The following SEMA5B variants were observed in gnomAD, a reference collection of about 807,000 sequenced individuals.
SEMA5B encodes the protein semaphorin 5B, also known as semaphorin-5B.
SEMA5B carries 66 observed loss-of-function variants against 135.0 expected under a neutral mutation model. The ratio of observed to expected loss-of-function variants is 0.49; its 90% confidence interval spans 0.40 to 0.60. The LOEUF (loss-of-function observed/expected upper bound fraction) is 0.60. Among genes scored for constraint, SEMA5B ranks in the 20% least tolerant of loss-of-function variants. SEMA5B has a pLI of 0.00. For synonymous variants in SEMA5B, 690 were observed against 639.5 expected, an observed-to-expected ratio of 1.08 and a Z score of -1.19; for missense variants, 1,501 against 1,566.3, an observed-to-expected ratio of 0.96 and a Z score of 0.70.
intron 4 of SEMA5B, among the ~76,000 whole-genome samples, chr3:122,940,398 A>G (rs919660187): frequency 2.0e-5 from 3 of 152,160 alleles, no homozygotes; most frequent in African/African-American, 4.8e-5. Flanking sequence ...ATTTCACAGG[A>G]CTGTGGAGAC....
chr3:123,000,175 T>A (rs1205093720), intron 1 of SEMA5B, among the ~76,000 whole-genome samples: 2 of 152,178 alleles, frequency 1.3e-5, no homozygotes, highest in Non-Finnish European at 2.9e-5. Context: ...GTCACTGCAC[T>A]CTATCCTGGG....
At chr3:122,913,719 A>AC (rs762988618) in intron 15 of SEMA5B, 38 bp from the exon 16 acceptor site, 1 of 1,604,338 alleles carries the variant, frequency 6.2e-7, no homozygotes, top group African/African-American at 1.3e-5. Context: ...AGGGAGGGGG[A>AC]CCCCCTTCCC....
At chr3:123,001,669 T>C (rs1942178176) in intron 1 of SEMA5B, among the ~76,000 whole-genome samples, 1 of 152,198 alleles carries the variant, frequency 6.6e-6, no homozygotes, top group Non-Finnish European at 1.5e-5. Flanking sequence ...TGAGCTAAGT[T>C]CATACCCATT....
intron 1 of SEMA5B, among the ~76,000 whole-genome samples, chr3:122,988,031 T>G (rs1043744551): frequency 2.6e-5 from 4 of 152,070 alleles, no homozygotes; most frequent in African/African-American, 9.7e-5. Flanking sequence ...AGTAGTGGTC[T>G]TCAAACCTGA....
chr3:122,928,682 A>C lies in SEMA5B; in HGVS notation c.538-67T>G, dbSNP rs937976289. ...GTGCGATGCTGGATATCTCACGCTCACACCACTGCGTCATGGATGCCAACA... is the reference window on the plus strand; with the variant it reads ...GTGCGATGCTGGATATCTCACGCTCCCACCACTGCGTCATGGATGCCAACA... On this transcript the variant is annotated intron_variant, in intron 6 of 22. Coordinates refer to ENST00000357599, the MANE Select transcript of SEMA5B (RefSeq NM_001031702.4). 17 of 1,161,914 alleles carry C rather than the reference A, an allele frequency of 1.5e-5. No individual in the cohort carries two copies. In the South Asian group the frequency reaches 2.1e-4, roughly 14 times the overall value. The allele number at this position is 1,161,914 out of a possible 1,614,324, so 72.0% of individuals were successfully genotyped here.
intron 1 of SEMA5B, among the ~76,000 whole-genome samples, chr3:123,026,374 C>G (rs1358280194): frequency 1.3e-5 from 2 of 152,014 alleles, no homozygotes; most frequent in African/African-American, 4.8e-5. Context: ...TCCTCTCTCC[C>G]CATCCAGACT....
At chr3:122,918,490 C>T (rs1938187552) in intron 12 of SEMA5B, among the ~76,000 whole-genome samples, 1 of 152,362 alleles carries the variant, frequency 6.6e-6, no homozygotes, top group South Asian at 2.1e-4. Context: ...TTGAGAACTG[C>T]TGTGCCAGGG....
At chr3:122,929,459 C>T (rs1341318005) in intron 5 of SEMA5B, among the ~76,000 whole-genome samples, 3 of 152,222 alleles carry the variant, frequency 2.0e-5, no homozygotes, top group Non-Finnish European at 4.4e-5. Context: ...TGGCCCTCAA[C>T]TCAGCGGCAG....
At chr3:123,015,980 G>T (rs1379144714) in intron 1 of SEMA5B, among the ~76,000 whole-genome samples, 1 of 152,206 alleles carries the variant, frequency 6.6e-6, no homozygotes, top group African/African-American at 2.4e-5. Context: ...CTGACACAGG[G>T]ACTCATAGGC....
chr3:122,996,032 A>G (rs910364872), intron 1 of SEMA5B, among the ~76,000 whole-genome samples: 1 of 152,230 alleles, frequency 6.6e-6, no homozygotes, highest in Non-Finnish European at 1.5e-5. Flanking sequence ...ACAGCCTGAG[A>G]TCACAGCACT....
At chr3:122,913,136 GC>G in intron 17 of SEMA5B, 62 bp downstream of exon 17, 1 of 1,426,708 alleles carries the variant, frequency 7.0e-7, no homozygotes. Flanking sequence ...CGGGGCTCCC[GC>G]CCCCGCCCTC....
intron 1 of SEMA5B, among the ~76,000 whole-genome samples, chr3:122,969,223 G>A (rs2107638141): frequency 6.6e-6 from 1 of 152,300 alleles, no homozygotes; most frequent in Admixed American, 6.5e-5. Context: ...ACCAGAAGTG[G>A]CAGAGCCGGA....
In SEMA5B at chr3:122,914,042, G is replaced by T. The variant is rs577010187; in HGVS notation, c.1989-41C>A. 158 of 1,525,950 alleles carry T rather than the reference G, an allele frequency of 1.0e-4. No individual in the cohort carries two copies. In the East Asian group the frequency reaches 3.6e-3, roughly 34 times the overall value. 94.5% of individuals were successfully genotyped at this position (1,525,950 alleles called of 1,614,324 possible). ...GGGACAGAGACAGATGCCCCTCTGA[G>T]CCCTAGCTTCTTAGATCTAGTCTGT... On this transcript the variant is annotated intron_variant, in intron 14 of 22. Coordinates refer to ENST00000357599, the MANE Select transcript of SEMA5B (RefSeq NM_001031702.4).
intron 2 of SEMA5B, among the ~76,000 whole-genome samples, chr3:122,959,733 C>T (rs1940491822): frequency 6.6e-6 from 1 of 152,182 alleles, no homozygotes; most frequent in African/African-American, 2.4e-5. Context: ...AGCCCTGCCT[C>T]ATAGAGTAGT....
At chr3:123,022,647 G>A (rs1576414629) in intron 1 of SEMA5B, among the ~76,000 whole-genome samples, 1 of 152,206 alleles carries the variant, frequency 6.6e-6, no homozygotes, top group Non-Finnish European at 1.5e-5. Flanking sequence ...GTGCCCAGCA[G>A]CAAATTGGAC....
chr3:122,982,856 A>G (rs1009934232), intron 1 of SEMA5B, among the ~76,000 whole-genome samples: 2 of 152,154 alleles, frequency 1.3e-5, no homozygotes, highest in Non-Finnish European at 2.9e-5. Flanking sequence ...GCCAGAGTGT[A>G]TTTGTTCGGC....
intron 1 of SEMA5B, among the ~76,000 whole-genome samples, chr3:122,973,035 G>A (rs1037304274): frequency 1.3e-5 from 2 of 152,182 alleles, no homozygotes; most frequent in African/African-American, 4.8e-5. Flanking sequence ...ATTAATGACA[G>A]GTCATTCAGA....
At chr3:123,003,834 CAATAAATA>C (rs10571905) in intron 1 of SEMA5B, among the ~76,000 whole-genome samples, 2 of 146,678 alleles carry the variant, frequency 1.4e-5, no homozygotes, top group East Asian at 2.0e-4. Context: ...ACTCTTATCT[CAATAAATA>C]AATAAATAAA....
At chr3:122,928,451 T>A (rs1938762272) in intron 7 of SEMA5B, 66 bp downstream of exon 7, 2 of 1,298,688 alleles carry the variant, frequency 1.5e-6, no homozygotes. Context: ...TTCAAGGCTG[T>A]GTGCCTAGGC....
Sources: gnomAD v4.1 joint callset for allele counts (sites outside exome capture counted in the v4.1 genomes callset) on GRCh38, gnomAD v4.1.1 for gene constraint, MANE v1.5 for transcripts, NCBI Gene and HGNC (gene_info 2026-07-23, HGNC 2026-07-21) for gene names.